SIPA1L1: variants seen among roughly 807,000 people sequenced by gnomAD.
SIPA1L1 encodes signal-induced proliferation-associated 1-like protein 1.
A neutral mutation model predicts 162.7 loss-of-function variants in SIPA1L1; 26 were observed. The ratio of observed to expected loss-of-function variants is 0.16; its 90% CI spans 0.12 to 0.22. The LOEUF (loss-of-function observed/expected upper bound fraction) is 0.22, where lower values mean the gene tolerates loss of function less well. SIPA1L1 is among the 10% of genes least tolerant of loss of function. The pLI, the probability that SIPA1L1 is intolerant of heterozygous loss-of-function variation, is 1.00. For synonymous variants in SIPA1L1, 829 were observed against 837.4 expected, an observed-to-expected ratio of 0.99 and a Z score of 0.17; for missense variants, 1,874 against 2,241.0, an observed-to-expected ratio of 0.84 and a Z score of 3.31.
At chr14:71,576,115 CA>C (rs1382764327) in intron 4 of SIPA1L1, among the ~76,000 whole-genome samples, 1 of 152,190 alleles carries the variant, frequency 6.6e-6, no homozygotes, top group East Asian at 1.9e-4. Flanking sequence ...AAGGATTGGA[CA>C]GATCTTTTCC....
At chr14:71,424,477 T>C (rs945043189) in intron 2 of SIPA1L1, among the ~76,000 whole-genome samples, 5 of 152,158 alleles carry the variant, frequency 3.3e-5, no homozygotes, top group Non-Finnish European at 5.9e-5. Context: ...TGAATGTTTT[T>C]ATCATGAAAG....
At chr14:71,669,679 T>C (rs2044336369) in intron 10 of SIPA1L1, among the ~76,000 whole-genome samples, 2 of 152,150 alleles carry the variant, frequency 1.3e-5, no homozygotes, top group Non-Finnish European at 2.9e-5. Context: ...AATTAAGCCA[T>C]ATGGAAGTCT....
intron 12 of SIPA1L1, among the ~76,000 whole-genome samples, chr14:71,680,788 A>G (rs1476412152): frequency 1.3e-5 from 2 of 152,254 alleles, no homozygotes; most frequent in Admixed American, 6.5e-5. Context: ...TCATCAGAAT[A>G]CTATAAACAC....
In SIPA1L1 at chr14:71,730,043, C is replaced by G; in HGVS notation, c.4615-12C>G. On this transcript the variant is annotated splice_polypyrimidine_tract_variant and intron_variant, in intron 19 of 23. Transcript: ENST00000381232. ...AAAATTGACTTTCTTTTGTCTTGATCCTGTTTTTCAGTTCCACGCACTCTC... is the reference window on the plus strand; with the variant it reads ...AAAATTGACTTTCTTTTGTCTTGATGCTGTTTTTCAGTTCCACGCACTCTC... 6.2e-7 allele frequency: 1 copy of G among 1,610,240 alleles called. No homozygotes were observed. Among genetic ancestry groups the G allele is most frequent in the Non-Finnish European group, 8.5e-7 (1 of 1,177,488 alleles).
At chr14:71,683,117 G>A (rs2045956788) in intron 12 of SIPA1L1, among the ~76,000 whole-genome samples, 1 of 152,236 alleles carries the variant, frequency 6.6e-6, no homozygotes, top group Admixed American at 6.5e-5. Context: ...TCACGTCACA[G>A]CACTCCAGCC....
At chr14:71,699,566 G>A (rs189043093) in intron 14 of SIPA1L1, among the ~76,000 whole-genome samples, 198 of 152,262 alleles carry the variant, frequency 1.3e-3, no homozygotes, top group African/African-American at 4.7e-3. Flanking sequence ...ACACTTTGAG[G>A]AATTCTGACC....
intron 3 of SIPA1L1, among the ~76,000 whole-genome samples, chr14:71,520,837 C>T (rs915658078): frequency 6.6e-5 from 10 of 152,336 alleles, no homozygotes; most frequent in Admixed American, 6.5e-4. Flanking sequence ...ACTGCAGCCT[C>T]CATCTCCCAG....
Position 71,320,496 on chromosome 14 carries a change from A to T in SIPA1L1, c.-532A>T, listed in dbSNP as rs1045223233. The T allele has an allele frequency of 6.6e-6, 1 of 151,996 alleles. No individual in the cohort carries two copies. Among genetic ancestry groups the T allele is most frequent in the Non-Finnish European group, 1.5e-5 (1 of 67,980 alleles). 9.4% of individuals were successfully genotyped at this position (151,996 alleles called of 1,614,324 possible). ...AGTTCAGTGCGTGCGTGAGCGAGTG[A>T]GCGAAAAGTCAGTGCAGCGCCGAGT... is the stretch of plus-strand genomic sequence containing the variant. On this transcript the variant is annotated 5_prime_UTR_variant, in exon 1 of 24. Coordinates refer to ENST00000381232, the MANE Select transcript of SIPA1L1 (RefSeq NM_001386936.1).
chr14:71,517,375 T>C (rs1360706921), intron 3 of SIPA1L1, among the ~76,000 whole-genome samples: 3 of 152,144 alleles, frequency 2.0e-5, no homozygotes, highest in African/African-American at 7.2e-5. Context: ...TCCCCTTGAG[T>C]TTTTTCACTT....
intron 12 of SIPA1L1, among the ~76,000 whole-genome samples, chr14:71,674,799 C>A (rs552291396): frequency 2.0e-4 from 30 of 151,596 alleles, no homozygotes; most frequent in African/African-American, 7.0e-4. Context: ...CTCCTGACCT[C>A]GTGATCCGCC....
At chr14:71,711,080 T>C (rs936955004) in intron 17 of SIPA1L1, among the ~76,000 whole-genome samples, 5 of 152,184 alleles carry the variant, frequency 3.3e-5, no homozygotes, top group African/African-American at 1.2e-4. Flanking sequence ...CTTTCACTAG[T>C]TTTGTTTCTG....
intron 4 of SIPA1L1, among the ~76,000 whole-genome samples, chr14:71,583,679 T>C (rs1219168686): frequency 1.3e-5 from 2 of 152,084 alleles, no homozygotes; most frequent in African/African-American, 4.8e-5. Context: ...TACCACTTAA[T>C]CATTTCTTGA....
intron 5 of SIPA1L1, among the ~76,000 whole-genome samples, chr14:71,614,579 A>G (rs1258586758): frequency 6.6e-6 from 1 of 152,244 alleles, no homozygotes; most frequent in East Asian, 1.9e-4. Flanking sequence ...TTTGGGAAAT[A>G]ATAGCAAGAG....
intron 20 of SIPA1L1, 43 bp from the exon 21 acceptor site, chr14:71,733,623 C>A (rs377162105): frequency 6.3e-7 from 1 of 1,598,444 alleles, no homozygotes; most frequent in Non-Finnish European, 8.5e-7. Flanking sequence ...AGTGGCTCTT[C>A]CACAGGCACA....
At chr14:71,567,730 TA>T (rs1484353642) in intron 4 of SIPA1L1, among the ~76,000 whole-genome samples, 7 of 141,338 alleles carry the variant, frequency 5.0e-5, no homozygotes, top group Non-Finnish European at 1.1e-4. Context: ...GCTGGAGGAA[TA>T]AAAGAATGGC....
At chr14:71,660,903 A>G (rs1365424966) in intron 9 of SIPA1L1, among the ~76,000 whole-genome samples, 3 of 152,222 alleles carry the variant, frequency 2.0e-5, no homozygotes, top group South Asian at 4.1e-4. Context: ...TTTTCTTTCA[A>G]TGAGGCCAGT....
chr14:71,617,672 A>G (rs1486673620), intron 5 of SIPA1L1, among the ~76,000 whole-genome samples: 1 of 152,240 alleles, frequency 6.6e-6, no homozygotes, highest in Non-Finnish European at 1.5e-5. Flanking sequence ...GGATTTTCAA[A>G]TACTTATATT....
At chr14:71,494,918 C>T (rs2049611375) in intron 2 of SIPA1L1, among the ~76,000 whole-genome samples, 2 of 152,166 alleles carry the variant, frequency 1.3e-5, no homozygotes, top group African/African-American at 4.8e-5. Context: ...GGATTACAGG[C>T]ATGAGCCACT....
chr14:71,448,385 C>G (rs776347595), intron 2 of SIPA1L1, among the ~76,000 whole-genome samples: 6 of 152,136 alleles, frequency 3.9e-5, no homozygotes, highest in Non-Finnish European at 4.4e-5. Context: ...GTATTATCCT[C>G]TTTTTAGAGC....
Sources: allele counts gnomAD v4.1 joint callset (sites outside exome capture counted in the v4.1 genomes callset), GRCh38; gene constraint gnomAD v4.1.1; transcripts MANE v1.5; gene names NCBI Gene and HGNC (gene_info 2026-07-23, HGNC 2026-07-21).